Variants in CREB5 observed in about 807,000 individuals in gnomAD.
The protein encoded by CREB5 is cyclic AMP-responsive element-binding protein 5.
In CREB5, 19 loss-of-function variants were observed where a neutral mutation model predicts 57.1. The ratio of observed to expected loss-of-function variants is 0.33; its 90% confidence interval spans 0.23 to 0.49. The LOEUF is 0.49. Among genes scored for constraint, CREB5 ranks in the 20% least tolerant of loss-of-function variants. CREB5 has a pLI of 0.99. For synonymous variants in CREB5, 238 were observed against 238.3 expected (o/e 1.00, Z 0.01); for missense variants, 579 against 671.6 (o/e 0.86, Z 1.52).
chr7:28,736,569 G>A (rs1019938065), intron 7 of CREB5, among the ~76,000 whole-genome samples: 56 of 152,252 alleles, frequency 3.7e-4, no homozygotes, highest in African/African-American at 1.2e-3. Flanking sequence ...ATGAACTGAC[G>A]TACAGGGGAC....
At chr7:28,382,505 C>T (rs944844084) in intron 1 of CREB5, among the ~76,000 whole-genome samples, 1 of 152,080 alleles carries the variant, frequency 6.6e-6, no homozygotes, top group Admixed American at 6.5e-5. Context: ...CCAAAAGCAA[C>T]CATCCTGCAT....
chr7:28,343,175 T>C (rs1785970650), intron 1 of CREB5, among the ~76,000 whole-genome samples: 2 of 152,140 alleles, frequency 1.3e-5, no homozygotes, highest in South Asian at 4.1e-4. Flanking sequence ...CTCCTGACTT[T>C]GTGATCTGCC....
At chr7:28,415,696 C>G (rs1787997659) in intron 1 of CREB5, among the ~76,000 whole-genome samples, 1 of 152,140 alleles carries the variant, frequency 6.6e-6, no homozygotes, top group Admixed American at 6.5e-5. Context: ...CCAGGCAGGA[C>G]TAAAAATGGT....
At chr7:28,751,848 TTA>T (rs1804993339) in intron 7 of CREB5, among the ~76,000 whole-genome samples, 1 of 152,240 alleles carries the variant, frequency 6.6e-6, no homozygotes, top group African/African-American at 2.4e-5. Context: ...GCATTTGTTT[TTA>T]TGTCTCCTTA....
At chr7:28,427,091 TA>T (rs1184757640) in intron 1 of CREB5, among the ~76,000 whole-genome samples, 1 of 152,244 alleles carries the variant, frequency 6.6e-6, no homozygotes, top group African/African-American at 2.4e-5. Context: ...ACAACTGTCA[TA>T]ATATTTTAGA....
intron 5 of CREB5, among the ~76,000 whole-genome samples, chr7:28,689,800 A>C (rs1244617754): frequency 6.6e-6 from 1 of 152,190 alleles, no homozygotes; most frequent in Non-Finnish European, 1.5e-5. Context: ...ACTGAAGCAC[A>C]AAAGCCTGTG....
At chr7:28,652,745 A>G (rs1799189436) in intron 5 of CREB5, among the ~76,000 whole-genome samples, 1 of 152,244 alleles carries the variant, frequency 6.6e-6, no homozygotes, top group Non-Finnish European at 1.5e-5. Context: ...ACCTGGGAAT[A>G]AACTCTCTTA....
At chr7:28,712,637 G>C (rs973557372) in intron 5 of CREB5, among the ~76,000 whole-genome samples, 8 of 146,566 alleles carry the variant, frequency 5.5e-5, no homozygotes, top group African/African-American at 2.0e-4. Flanking sequence ...GGGTTCAAGC[G>C]ACTCCTGTGC....
chr7:28,558,547 G>A (rs1794961132), intron 4 of CREB5, among the ~76,000 whole-genome samples: 1 of 152,204 alleles, frequency 6.6e-6, no homozygotes, highest in African/African-American at 2.4e-5. Context: ...TTTATGTTGA[G>A]AGTATAATTT....
chr7:28,650,790 G>T (rs1013003295), intron 5 of CREB5, among the ~76,000 whole-genome samples: 2 of 152,136 alleles, frequency 1.3e-5, no homozygotes, highest in Non-Finnish European at 2.9e-5. Flanking sequence ...TGGCTCTTTA[G>T]ATCTCAAATT....
At chr7:28,348,216 A>G (rs1177395503) in intron 1 of CREB5, among the ~76,000 whole-genome samples, 2 of 152,198 alleles carry the variant, frequency 1.3e-5, no homozygotes, top group African/African-American at 2.4e-5. Flanking sequence ...GGCAATAGAT[A>G]GTGTGACTCA....
intron 1 of CREB5, among the ~76,000 whole-genome samples, chr7:28,464,506 T>C (rs2128577909): frequency 6.6e-6 from 1 of 150,492 alleles, no homozygotes; most frequent in African/African-American, 2.4e-5. Flanking sequence ...CGTGTGTGTG[T>C]GTGTGTGTGT....
chr7:28,362,869 G>T (rs750803885), intron 1 of CREB5, among the ~76,000 whole-genome samples: 4 of 152,152 alleles, frequency 2.6e-5, no homozygotes, highest in Admixed American at 6.5e-5. Context: ...TTTCTCATCT[G>T]GAAAGTGGGA....
At chr7:28,671,225 C>T (rs957554993) in intron 5 of CREB5, among the ~76,000 whole-genome samples, 2 of 151,324 alleles carry the variant, frequency 1.3e-5, no homozygotes, top group Non-Finnish European at 1.5e-5. Context: ...CACTGCACTC[C>T]AGCCTGGGTG....
chr7:28,780,730 T>A (rs1197437421), intron 7 of CREB5, among the ~76,000 whole-genome samples: 3 of 152,076 alleles, frequency 2.0e-5, no homozygotes, highest in Non-Finnish European at 4.4e-5. Context: ...CTTTTTAGAT[T>A]CCCTGTACTA....
rs950914478 is a variant in CREB5 at position 28,747,656 on chromosome 7, GT to G, written c.702+23332del. On this transcript the variant is annotated intron_variant, in intron 7 of 10. Transcript: ENST00000357727. ...AGGCAAAGAAGACCAGTCCCAGCGT[GT>G]TTTTTTTCCAGTCTCTCCCTCTGAG... Among the ~76,000 whole-genome samples, 7 of 152,000 alleles carry G rather than the reference GT, an allele frequency of 4.6e-5. No individual in the cohort carries two copies. In the East Asian group the frequency reaches 1.2e-3, roughly 25 times the overall value.
chr7:28,313,120 G>T (rs142295747), intron 1 of CREB5, among the ~76,000 whole-genome samples: 1 of 152,154 alleles, frequency 6.6e-6, no homozygotes, highest in African/African-American at 2.4e-5. Context: ...GGTCTGGGAC[G>T]GGTCTTGAGA....
upstream of CREB5, among the ~76,000 whole-genome samples, chr7:28,412,318 C>T (rs187986921): frequency 2.4e-4 from 36 of 151,590 alleles, no homozygotes; most frequent in South Asian, 4.6e-3. Flanking sequence ...ATCTCAGTAG[C>T]GATATTTTTT....
chr7:28,799,259 G>T (rs1389929869), intron 7 of CREB5, among the ~76,000 whole-genome samples: 3 of 152,164 alleles, frequency 2.0e-5, no homozygotes, highest in South Asian at 2.1e-4. Context: ...TTTCTGAGGG[G>T]TGATCAAAAG....
Sources: gnomAD v4.1 joint callset for allele counts (sites outside exome capture counted in the v4.1 genomes callset) on GRCh38, gnomAD v4.1.1 for gene constraint, MANE v1.5 for transcripts, NCBI Gene and HGNC (gene_info 2026-07-23, HGNC 2026-07-21) for gene names.